The following PDE8A variants were observed in gnomAD, a reference collection of about 807,000 sequenced individuals.
The protein encoded by PDE8A is phosphodiesterase 8A, also known as high affinity cAMP-specific and IBMX-insensitive 3',5'-cyclic phosphodiesterase 8A.
A neutral mutation model predicts 105.0 loss-of-function variants in PDE8A; 59 were observed. The ratio of observed to expected loss-of-function variants is 0.56; its 90% CI spans 0.46 to 0.70. PDE8A has a LOEUF of 0.70. PDE8A is among the 30% of genes least tolerant of loss of function. The pLI is 0.00. For synonymous variants in PDE8A, 355 were observed against 371.9 expected (o/e 0.95, Z 0.52); for missense variants, 1,014 against 1,045.9 (o/e 0.97, Z 0.42).
At chr15:85,092,189 A>C (rs1039295870) in intron 8 of PDE8A, among the ~76,000 whole-genome samples, 1 of 152,060 alleles carries the variant, frequency 6.6e-6, no homozygotes, top group African/African-American at 2.4e-5. Flanking sequence ...CTCTGAGCAC[A>C]CAACATTGCC....
intron 6 of PDE8A, among the ~76,000 whole-genome samples, chr15:85,086,463 T>G (rs1202409455): frequency 6.6e-6 from 1 of 152,088 alleles, no homozygotes; most frequent in African/African-American, 2.4e-5. Flanking sequence ...CATAAATACA[T>G]GAAGAGCTTT....
At chr15:84,989,095 G>A (rs1463088068) in intron 1 of PDE8A, among the ~76,000 whole-genome samples, 1 of 152,248 alleles carries the variant, frequency 6.6e-6, no homozygotes, top group Non-Finnish European at 1.5e-5. Flanking sequence ...GTTAAGCAAT[G>A]TTCCTGAGTC....
chr15:85,024,547 C>CTT (rs57454748), intron 1 of PDE8A, among the ~76,000 whole-genome samples: 3,341 of 146,062 alleles, frequency 0.023, 98 homozygotes, highest in African/African-American at 0.069. Flanking sequence ...CTTGCTTAGG[C>CTT]TTTTTTTTTT....
At chr15:84,991,622 G>A (rs1431366988) in intron 1 of PDE8A, among the ~76,000 whole-genome samples, 1 of 152,124 alleles carries the variant, frequency 6.6e-6, no homozygotes, top group Non-Finnish European at 1.5e-5. Context: ...ATCTTTACTG[G>A]AAACATGTAC....
At chr15:85,010,202 C>G (rs1490942630) in intron 1 of PDE8A, among the ~76,000 whole-genome samples, 1 of 152,114 alleles carries the variant, frequency 6.6e-6, no homozygotes, top group Non-Finnish European at 1.5e-5. Flanking sequence ...GGTGAGTTCA[C>G]TTTGTGATAA....
chr15:85,131,532 T>A (rs771085271), intron 20 of PDE8A, among the ~76,000 whole-genome samples: 15 of 152,254 alleles, frequency 9.9e-5, no homozygotes, highest in Non-Finnish European at 1.6e-4. Flanking sequence ...AACTCTTATA[T>A]AGCTCTACCA....
intron 1 of PDE8A, chr15:85,064,069 G>A (rs1367343110): frequency 3.7e-6 from 1 of 269,686 alleles, no homozygotes; most frequent in East Asian, 7.6e-5. Context: ...TAACAAATGA[G>A]AAGTTGAGGC....
At chr15:85,128,840 A>G (rs551495175) in intron 20 of PDE8A, among the ~76,000 whole-genome samples, 7 of 152,366 alleles carry the variant, frequency 4.6e-5, no homozygotes, top group Non-Finnish European at 5.9e-5. Flanking sequence ...AAATACCACT[A>G]CACACCCAAT....
rs563682078 is a variant in PDE8A, at chr15:85,126,986, G to C, written c.2253+612G>C. ...GCTTTGGGAGGATCACTTGAGCCCA[G>C]GAGTCTTAAGAGCAGCCTGGGCAAC... On this transcript the variant is annotated intron_variant, in intron 20 of 21. Coordinates refer to ENST00000394553, the MANE Select transcript of PDE8A (RefSeq NM_002605.3). Among the ~76,000 whole-genome samples, 146 of 152,276 alleles carry C rather than the reference G, an allele frequency of 9.6e-4. 1 individual carries two copies. The highest frequency in any genetic ancestry group is 3.4e-3 in the African/African-American group (141 of 41,548).
At chr15:84,987,773 G>A (rs996435763) in intron 1 of PDE8A, among the ~76,000 whole-genome samples, 7 of 152,010 alleles carry the variant, frequency 4.6e-5, no homozygotes, top group Non-Finnish European at 1.0e-4. Context: ...CACCGCGCCC[G>A]GCCTTGGATT....
chr15:85,121,655 G>A (rs2082184735), intron 18 of PDE8A, among the ~76,000 whole-genome samples: 1 of 151,950 alleles, frequency 6.6e-6, no homozygotes, highest in South Asian at 2.1e-4. Context: ...CATGTACAGT[G>A]GTTTTTAGTA....
At chr15:85,085,951 G>A (rs1042781695) in intron 6 of PDE8A, among the ~76,000 whole-genome samples, 5 of 151,318 alleles carry the variant, frequency 3.3e-5, no homozygotes, top group African/African-American at 1.2e-4. Context: ...GGCGAAGGTT[G>A]CAGTGAGCTG....
intron 1 of PDE8A, among the ~76,000 whole-genome samples, chr15:85,052,464 C>T (rs1252775699): frequency 6.6e-6 from 1 of 152,198 alleles, no homozygotes; most frequent in African/African-American, 2.4e-5. Flanking sequence ...TCCTATTTCT[C>T]CACATCCTCT....
rs116628762 is a variant in PDE8A at position 84,995,655 on chromosome 15, G to A, written c.186+13307G>A. On this transcript the variant is annotated intron_variant, in intron 1 of 21. Transcript: ENST00000394553. ...TTATATAAGACTTCTTTCCCTAAGC[G>A]TTATGTTTTTGGGATTCATCTATGT... 6.1e-3 allele frequency among the ~76,000 whole-genome samples: 934 copies of A among 152,180 alleles called. 7 individuals are homozygous for A. The highest frequency in any genetic ancestry group is 0.022 in the African/African-American group (893 of 41,510).
chr15:85,126,320 C>T lies in PDE8A; in HGVS notation c.2199C>T (p.Pro733=). The T allele has an allele frequency of 6.2e-7, 1 of 1,612,024 alleles. No homozygotes were observed. The highest frequency in any genetic ancestry group is 8.5e-7 in the Non-Finnish European group (1 of 1,179,082). Residue 733 remains proline (P), a synonymous_variant, in exon 20 of 22, where the codon CCC becomes CCT. Transcript: ENST00000394553. ...CTGATGTGTCCAATCCCTGCCGACC[C>T]CTGCAGTACTGCATCGAGTGGGCTG... ...KCADVSNPCR[P]LQYCIEWAAR...
At chr15:85,006,373 A>G (rs972036298) in intron 1 of PDE8A, among the ~76,000 whole-genome samples, 1 of 152,184 alleles carries the variant, frequency 6.6e-6, no homozygotes, top group African/African-American at 2.4e-5. Context: ...TCTCAGTGCA[A>G]GCTGAGGGCA....
At chr15:85,073,739 C>G (rs866678091) in intron 3 of PDE8A, among the ~76,000 whole-genome samples, 3 of 152,208 alleles carry the variant, frequency 2.0e-5, no homozygotes, top group Non-Finnish European at 4.4e-5. Flanking sequence ...GCCTTATTCC[C>G]TGTTTGAGAT....
chr15:85,095,876 T>TATA lies in PDE8A; in HGVS notation c.853-2072_853-2071insATA, dbSNP rs1435160480. On this transcript the variant is annotated intron_variant, in intron 8 of 21. Coordinates refer to ENST00000394553, the MANE Select transcript of PDE8A (RefSeq NM_002605.3). ...AGATCCTGAATATATATATATATAT[T>TATA]TTTTTTATATATATATTTTTTGTTT... 6.3e-3 allele frequency among the ~76,000 whole-genome samples: 405 copies of TATA among 64,206 alleles called. 3 individuals are homozygous for TATA. Among genetic ancestry groups the TATA allele is most frequent in the African/African-American group, 0.054 (391 of 7,308 alleles). The allele number at this position is 64,206 out of a possible 152,430, so 42.1% of individuals were successfully genotyped here.
At chr15:85,019,459 G>T (rs2080383206) in intron 1 of PDE8A, among the ~76,000 whole-genome samples, 1 of 152,106 alleles carries the variant, frequency 6.6e-6, no homozygotes, top group South Asian at 2.1e-4. Context: ...TCGCTGTGTT[G>T]CCCAGGCTGG....
Sources: gnomAD v4.1 joint callset for allele counts (sites outside exome capture counted in the v4.1 genomes callset) on GRCh38, gnomAD v4.1.1 for gene constraint, MANE v1.5 for transcripts, NCBI Gene and HGNC (gene_info 2026-07-23, HGNC 2026-07-21) for gene names.